The following ST8SIA5 variants were observed in gnomAD, a reference collection of about 807,000 sequenced individuals.
The protein encoded by ST8SIA5 is ST8 alpha-N-acetyl-neuraminide alpha-2,8-sialyltransferase 5.
A neutral mutation model predicts 40.2 loss-of-function variants in ST8SIA5; 24 were observed. The observed-to-expected ratio is 0.60, with a 90% confidence interval of 0.43 to 0.84. The LOEUF is 0.84. Among genes scored for constraint, ST8SIA5 ranks in the 40% least tolerant of loss-of-function variants. ST8SIA5 has a pLI of 0.00. For missense variants in ST8SIA5, 465 were observed against 498.5 expected (o/e 0.93, Z 0.64); for synonymous variants, 198 against 201.8 (o/e 0.98, Z 0.16).
intron 5 of ST8SIA5, among the ~76,000 whole-genome samples, chr18:46,683,182 G>A (rs961955145): frequency 2.6e-5 from 4 of 152,080 alleles, no homozygotes; most frequent in Non-Finnish European, 4.4e-5. Flanking sequence ...GATACCTTCA[G>A]GGGGAAACGG....
At chr18:46,691,056 G>A (rs1223174930) in intron 3 of ST8SIA5, among the ~76,000 whole-genome samples, 1 of 152,192 alleles carries the variant, frequency 6.6e-6, no homozygotes, top group African/African-American at 2.4e-5. Context: ...TCTGTGCAGT[G>A]TGCACAGTAA....
At position 46,680,420 on chromosome 18, in the gene ST8SIA5, G is replaced by A. The variant is rs1259751246; in HGVS notation, c.753C>T (p.Asn251=). The change falls in exon 7 of 7, where the codon AAC becomes AAT. Residue 251 remains asparagine, a synonymous_variant. Transcript: ENST00000315087. ...NASVLLPAFY[N]TRNTDVSIRV... is the part of the protein sequence containing the mutation. ...GGATGGACACGTCGGTGTTGCGCGT[G>A]TTGTAGAAGGCAGGCAGCAGCACCG... The A allele has an allele frequency of 1.9e-6, 3 of 1,613,166 alleles. No individual in the cohort carries two copies. The highest frequency in any genetic ancestry group is 8.5e-7 in the Non-Finnish European group (1 of 1,179,630).
intron 1 of ST8SIA5, among the ~76,000 whole-genome samples, chr18:46,731,107 A>G (rs2039981221): frequency 6.6e-6 from 1 of 152,234 alleles, no homozygotes; most frequent in South Asian, 2.1e-4. Flanking sequence ...TCCGGAGAAG[A>G]TGCAGGTAGC....
intron 1 of ST8SIA5, among the ~76,000 whole-genome samples, chr18:46,723,442 C>T (rs925300834): frequency 5.9e-5 from 9 of 152,012 alleles, no homozygotes; most frequent in Non-Finnish European, 1.0e-4. Flanking sequence ...GTCCCAGCTA[C>T]TTGGGCGGCT....
intron 1 of ST8SIA5, among the ~76,000 whole-genome samples, chr18:46,743,670 A>G (rs1185568814): frequency 1.3e-5 from 2 of 152,204 alleles, no homozygotes; most frequent in African/African-American, 4.8e-5. Context: ...AACTTCCCCA[A>G]CCTAGCAAGG....
At chr18:46,684,914 G>A (rs369862864) in intron 5 of ST8SIA5, among the ~76,000 whole-genome samples, 10 of 152,134 alleles carry the variant, frequency 6.6e-5, no homozygotes, top group African/African-American at 1.9e-4. Flanking sequence ...AGCTAAGCTT[G>A]GAAGGACAAG....
rs138186280 is a variant in ST8SIA5 at position 46,743,507 on chromosome 18, T to C, written c.131+12871A>G. On this transcript the variant is annotated intron_variant, in intron 1 of 6. Coordinates refer to ENST00000315087, the MANE Select transcript of ST8SIA5 (RefSeq NM_013305.6). ...TAATGAAATAAAGCAAGAAGACAAG[T>C]TTAGAGAAAAAAGAGTAAAAAGAAG... Among the ~76,000 whole-genome samples the C allele has an allele frequency of 1.6e-3, 248 of 151,890 alleles. 3 individuals are homozygous for C. The East Asian group carries it at 0.028, about 17-fold the overall frequency.
At chr18:46,684,174 G>T (rs1356490903) in intron 5 of ST8SIA5, among the ~76,000 whole-genome samples, 1 of 152,132 alleles carries the variant, frequency 6.6e-6, no homozygotes, top group Non-Finnish European at 1.5e-5. Flanking sequence ...CAGATCTTAG[G>T]TGGTGGGACA....
At chr18:46,701,717 TAACAGCAAC>T (rs2039618573) in intron 2 of ST8SIA5, among the ~76,000 whole-genome samples, 1 of 152,182 alleles carries the variant, frequency 6.6e-6, no homozygotes, top group African/African-American at 2.4e-5. Flanking sequence ...ATACAGGACC[TAACAGCAAC>T]ATACAGAAAA....
At chr18:46,719,958 C>T (rs1201397677) in intron 1 of ST8SIA5, among the ~76,000 whole-genome samples, 1 of 151,874 alleles carries the variant, frequency 6.6e-6, no homozygotes, top group Non-Finnish European at 1.5e-5. Context: ...CCCGTCTCAG[C>T]CTCCTGAGTA....
At chr18:46,719,708 C>CTT (rs1414533642) in intron 1 of ST8SIA5, among the ~76,000 whole-genome samples, 978 of 10,690 alleles carry the variant, frequency 0.091, 10 homozygotes, top group Non-Finnish European at 0.13. Context: ...CTTTCTTTCT[C>CTT]TCTTTCTTTC....
In ST8SIA5 at chr18:46,679,470, C is replaced by G. The variant is rs1351187547; in HGVS notation, c.*572G>C. 6.4e-6 allele frequency: 1 copy of G among 156,786 alleles called. No individual in the cohort carries two copies. Among genetic ancestry groups the G allele is most frequent in the Non-Finnish European group, 1.4e-5 (1 of 70,936 alleles). 9.7% of individuals were successfully genotyped at this position (156,786 alleles called of 1,614,324 possible). A position where few individuals can be genotyped will look rare whatever the true frequency, so the allele number is the denominator to read the frequency against. On this transcript the variant is annotated 3_prime_UTR_variant, in exon 7 of 7. Coordinates refer to ENST00000315087, the MANE Select transcript of ST8SIA5 (RefSeq NM_013305.6). ...GCTTGGCTGTTAAGTCCCTGGACCT[C>G]TTGAGATCACTTTCTTCACTGGAAG...
At chr18:46,736,123 A>G (rs1195121817) in intron 1 of ST8SIA5, among the ~76,000 whole-genome samples, 1 of 152,188 alleles carries the variant, frequency 6.6e-6, no homozygotes, top group African/African-American at 2.4e-5. Flanking sequence ...CAACACACAA[A>G]CAATATAAAA....
chr18:46,723,444 T>C (rs562876284), intron 1 of ST8SIA5, among the ~76,000 whole-genome samples: 1 of 149,968 alleles, frequency 6.7e-6, no homozygotes, highest in Admixed American at 6.6e-5. Flanking sequence ...CCCAGCTACT[T>C]GGGCGGCTAA....
In ST8SIA5 at chr18:46,756,840, AG is replaced by A. The variant is rs1195208843; in HGVS notation, c.-333del. Reference sequence around the variant, plus strand: ...CGGAGGGGAGACGCCAGGTGCCACGAGCCGGAGGCGGCCCCTCCCGCCGAGG... The same window carrying A: ...CGGAGGGGAGACGCCAGGTGCCACGACCGGAGGCGGCCCCTCCCGCCGAGG... On this transcript the variant is annotated 5_prime_UTR_variant, in exon 1 of 7. An upstream open reading frame in the 5' UTR loses its in-frame stop. Coordinates refer to ENST00000315087, the MANE Select transcript of ST8SIA5 (RefSeq NM_013305.6). 3 of 275,046 alleles carry A rather than the reference AG, an allele frequency of 1.1e-5. No homozygotes were observed. Among genetic ancestry groups the A allele is most frequent in the Non-Finnish European group, 2.0e-5 (3 of 147,348 alleles). The allele number at this position is 275,046 out of a possible 1,614,324, so 17.0% of individuals were successfully genotyped here. A position where few individuals can be genotyped will look rare whatever the true frequency, so the allele number is the denominator to read the frequency against.
At chr18:46,725,542 G>A (rs771524182) in intron 1 of ST8SIA5, among the ~76,000 whole-genome samples, 2 of 113,424 alleles carry the variant, frequency 1.8e-5, no homozygotes, top group South Asian at 5.7e-4. Context: ...GGCACGGGTG[G>A]GGGGGGAACA....
chr18:46,726,388 C>T (rs2039930109), intron 1 of ST8SIA5, among the ~76,000 whole-genome samples: 1 of 151,926 alleles, frequency 6.6e-6, no homozygotes, highest in Non-Finnish European at 1.5e-5. Context: ...ATTACACTAA[C>T]ACACATAGAA....
chr18:46,726,842 C>T (rs1431689148), intron 1 of ST8SIA5, among the ~76,000 whole-genome samples: 1 of 152,128 alleles, frequency 6.6e-6, no homozygotes, highest in African/African-American at 2.4e-5. Context: ...TGCTTGAACC[C>T]AGGAGGCGGA....
chr18:46,756,217 G>A (rs576688870), intron 1 of ST8SIA5, among the ~76,000 whole-genome samples, 161 bp downstream of exon 1: 1 of 152,338 alleles, frequency 6.6e-6, no homozygotes, highest in South Asian at 2.1e-4. Context: ...GATGCTCTTG[G>A]AAACGCGGTG....
Sources: gnomAD v4.1 joint callset for allele counts (sites outside exome capture counted in the v4.1 genomes callset) on GRCh38, gnomAD v4.1.1 for gene constraint, MANE v1.5 for transcripts, NCBI Gene and HGNC (gene_info 2026-07-23, HGNC 2026-07-21) for gene names.